PLPP1: variants seen among roughly 807,000 people sequenced by gnomAD.
PLPP1 encodes the protein lipid phosphate phosphohydrolase 1a.
In PLPP1, 24 loss-of-function variants were observed where a neutral mutation model predicts 31.2. That is an observed-to-expected ratio of 0.77 (90% CI 0.56 to 1.08). The LOEUF is 1.08. Among genes scored for constraint, PLPP1 ranks in the 50% least tolerant of loss-of-function variants. The probability of loss-of-function intolerance (pLI) is 0.00; values close to 1 mark genes in which losing one functional copy is unlikely to be tolerated. For synonymous variants in PLPP1, 146 were observed against 126.3 expected (o/e 1.16, Z -1.05); for missense variants, 319 against 342.7 (o/e 0.93, Z 0.55).
intron 1 of PLPP1, among the ~76,000 whole-genome samples, chr5:55,485,744 A>C (rs1752763095): frequency 6.6e-6 from 1 of 152,190 alleles, no homozygotes; most frequent in African/African-American, 2.4e-5. Flanking sequence ...CTATTCAGAA[A>C]GAACGATTAC....
At chr5:55,441,064 C>T (rs1229237025) in intron 4 of PLPP1, among the ~76,000 whole-genome samples, 1 of 152,046 alleles carries the variant, frequency 6.6e-6, no homozygotes. Context: ...TTTATTAATA[C>T]TTTATATGTA....
At chr5:55,479,575 G>A (rs2111822514) in intron 1 of PLPP1, among the ~76,000 whole-genome samples, 1 of 152,258 alleles carries the variant, frequency 6.6e-6, no homozygotes, top group Admixed American at 6.6e-5. Context: ...ACTGGCTGAA[G>A]AAGAAGCTGA....
At chr5:55,489,365 G>A (rs564759254) in intron 1 of PLPP1, among the ~76,000 whole-genome samples, 23 of 152,190 alleles carry the variant, frequency 1.5e-4, no homozygotes, top group East Asian at 5.8e-4. Flanking sequence ...CAGAAACACC[G>A]TCTATTGTCA....
At chr5:55,462,939 C>G (rs1255949756) in intron 3 of PLPP1, among the ~76,000 whole-genome samples, 2 of 151,752 alleles carry the variant, frequency 1.3e-5, no homozygotes, top group African/African-American at 2.4e-5. Flanking sequence ...TGCCACTGCA[C>G]TCCAGCCTGG....
intron 1 of PLPP1, among the ~76,000 whole-genome samples, chr5:55,523,078 A>AT (rs754612022): frequency 1.9e-4 from 29 of 150,204 alleles, no homozygotes; most frequent in African/African-American, 6.3e-4. Context: ...CACCCTCTCC[A>AT]TATTTTTTTT....
intron 4 of PLPP1, 73 bp from the exon 5 acceptor site, chr5:55,426,112 G>T: frequency 7.6e-7 from 1 of 1,315,510 alleles, no homozygotes; most frequent in Non-Finnish European, 1.0e-6. Flanking sequence ...GGAAGGGTTG[G>T]CATTTGAAAT....
intron 2 of PLPP1, among the ~76,000 whole-genome samples, chr5:55,469,634 T>TA (rs1752379075): frequency 6.6e-6 from 1 of 152,192 alleles, no homozygotes; most frequent in South Asian, 2.1e-4. Context: ...TGCTTCACCT[T>TA]AAATTTATAT....
At chr5:55,456,182 T>TA (rs1410369182) in intron 3 of PLPP1, among the ~76,000 whole-genome samples, 1 of 152,200 alleles carries the variant, frequency 6.6e-6, no homozygotes, top group African/African-American at 2.4e-5. Context: ...AGTATTCTAT[T>TA]AAAGTCCACT....
chr5:55,454,202 A>G (rs115079294), intron 3 of PLPP1, among the ~76,000 whole-genome samples: 5,034 of 152,280 alleles, frequency 0.033, 111 homozygotes, highest in Non-Finnish European at 0.049. Flanking sequence ...GTTGCAATAT[A>G]TTATGTAAGA....
chr5:55,457,154 C>T (rs796186683), intron 3 of PLPP1, among the ~76,000 whole-genome samples: 8 of 148,000 alleles, frequency 5.4e-5, no homozygotes, highest in African/African-American at 2.0e-4. Context: ...AGTGAGACTC[C>T]GTCTCAGACC....
intron 1 of PLPP1, among the ~76,000 whole-genome samples, chr5:55,477,238 A>G (rs963133638): frequency 3.3e-5 from 5 of 152,330 alleles, no homozygotes; most frequent in South Asian, 2.1e-4. Flanking sequence ...TGCACTTATC[A>G]GCACACACTG....
chr5:55,425,412 A>T, intron 5 of PLPP1, 78 bp from the exon 6 acceptor site: 1 of 1,308,126 alleles, frequency 7.6e-7, no homozygotes. Flanking sequence ...ACAGCATCCT[A>T]AGATAAATAT....
intron 3 of PLPP1, among the ~76,000 whole-genome samples, chr5:55,459,054 T>A (rs1359137507): frequency 8.6e-5 from 13 of 151,940 alleles, no homozygotes; most frequent in Non-Finnish European, 1.9e-4. Context: ...AGATACACTT[T>A]AAATTCAGAG....
At chr5:55,504,707 T>C (rs756117528) in intron 1 of PLPP1, among the ~76,000 whole-genome samples, 2 of 151,830 alleles carry the variant, frequency 1.3e-5, no homozygotes, top group Non-Finnish European at 2.9e-5. Flanking sequence ...AATTAGTATA[T>C]AGAAGCCCAT....
chr5:55,518,556 C>G (rs987093044), intron 1 of PLPP1, among the ~76,000 whole-genome samples: 7 of 152,180 alleles, frequency 4.6e-5, no homozygotes, highest in African/African-American at 1.4e-4. Context: ...GAGGCCTACA[C>G]TACTTTGTGT....
chr5:55,437,981 T>G (rs1235341724), intron 4 of PLPP1, among the ~76,000 whole-genome samples: 1 of 152,148 alleles, frequency 6.6e-6, no homozygotes, highest in Non-Finnish European at 1.5e-5. Context: ...TTTAGATAGG[T>G]GGGCAGCACT....
intron 3 of PLPP1, among the ~76,000 whole-genome samples, chr5:55,447,130 TAGCTGAACTATTATC>T (rs1266578206): frequency 6.6e-6 from 1 of 152,262 alleles, no homozygotes; most frequent in East Asian, 1.9e-4. Context: ...GTAGCACGTT[TAGCTGAACTATTATC>T]AGTAGGCACT....
intron 2 of PLPP1, among the ~76,000 whole-genome samples, chr5:55,472,659 A>AGG (rs1334226786): frequency 2.7e-5 from 1 of 36,438 alleles, no homozygotes; most frequent in Non-Finnish European, 9.0e-5. Context: ...AGAAAGAAAG[A>AGG]GAGAGAGAGA....
chr5:55,490,937 T>C, intron 1 of PLPP1: 1 of 1,597,442 alleles, frequency 6.3e-7, no homozygotes, highest in Non-Finnish European at 8.6e-7. Flanking sequence ...AACCCATCAC[T>C]ACCTACTTAT....
Sources: allele counts gnomAD v4.1 joint callset (sites outside exome capture counted in the v4.1 genomes callset), GRCh38; gene constraint gnomAD v4.1.1; transcripts MANE v1.5; gene names NCBI Gene and HGNC (gene_info 2026-07-23, HGNC 2026-07-21).